CACNG3: variants seen among roughly 807,000 people sequenced by gnomAD.
CACNG3 encodes the protein calcium voltage-gated channel auxiliary subunit gamma 3.
CACNG3 carries 3 observed loss-of-function variants against 28.5 expected under a neutral mutation model. The observed-to-expected ratio is 0.11, with a 90% CI of 0.05 to 0.27. CACNG3 has a LOEUF of 0.27. Among genes scored for constraint, CACNG3 ranks in the 10% least tolerant of loss-of-function variants. The pLI is 1.00. For missense variants in CACNG3, 236 were observed against 414.4 expected (o/e 0.57, Z 3.74); for synonymous variants, 174 against 162.2 (o/e 1.07, Z -0.55).
At chr16:24,297,117 A>G (rs1257678470) in intron 1 of CACNG3, among the ~76,000 whole-genome samples, 1 of 152,102 alleles carries the variant, frequency 6.6e-6, no homozygotes, top group Non-Finnish European at 1.5e-5. Flanking sequence ...TAGCTGGGCA[A>G]GGTGTTGCAA....
intron 2 of CACNG3, among the ~76,000 whole-genome samples, chr16:24,350,493 G>T (rs1326778096): frequency 1.3e-5 from 2 of 151,798 alleles, no homozygotes; most frequent in Non-Finnish European, 2.9e-5. Context: ...GTAGAGTTGG[G>T]GTCCCCCTGT....
intron 1 of CACNG3, among the ~76,000 whole-genome samples, chr16:24,258,688 T>C (rs193005239): frequency 6.6e-6 from 1 of 152,184 alleles, no homozygotes; most frequent in Admixed American, 6.5e-5. Context: ...AATTGAATTA[T>C]CTTTTGTAAA....
intron 1 of CACNG3, among the ~76,000 whole-genome samples, chr16:24,261,364 C>T (rs535544048): frequency 1.7e-4 from 26 of 152,270 alleles, no homozygotes; most frequent in African/African-American, 5.8e-4. Flanking sequence ...TACTACTTGG[C>T]TTGATTTGAT....
intron 1 of CACNG3, among the ~76,000 whole-genome samples, chr16:24,305,094 T>C (rs947578345): frequency 3.9e-5 from 6 of 152,038 alleles, no homozygotes; most frequent in Non-Finnish European, 8.8e-5. Context: ...AACCCTAATG[T>C]AAGTGATGGA....
chr16:24,276,200 T>C (rs1365407381), intron 1 of CACNG3, among the ~76,000 whole-genome samples: 1 of 152,224 alleles, frequency 6.6e-6, no homozygotes, highest in Admixed American at 6.5e-5. Context: ...TTCAAAAGCG[T>C]AAAAACAATT....
At chr16:24,338,999 C>T (rs1279969339) in intron 1 of CACNG3, among the ~76,000 whole-genome samples, 2 of 152,192 alleles carry the variant, frequency 1.3e-5, no homozygotes, top group Non-Finnish European at 2.9e-5. Context: ...TTCTCATTAA[C>T]CTTCAGGTCT....
At chr16:24,274,882 C>T (rs1419553146) in intron 1 of CACNG3, among the ~76,000 whole-genome samples, 3 of 152,124 alleles carry the variant, frequency 2.0e-5, no homozygotes, top group African/African-American at 4.8e-5. Flanking sequence ...GTCCCAAATT[C>T]TCGAGACAGT....
At chr16:24,263,706 G>A (rs1015336813) in intron 1 of CACNG3, among the ~76,000 whole-genome samples, 1 of 152,188 alleles carries the variant, frequency 6.6e-6, no homozygotes, top group Non-Finnish European at 1.5e-5. Context: ...GTGAAATGGG[G>A]AAATAAACAT....
intron 1 of CACNG3, among the ~76,000 whole-genome samples, chr16:24,332,233 T>C (rs531752854): frequency 3.3e-5 from 5 of 152,228 alleles, no homozygotes; most frequent in African/African-American, 1.2e-4. Context: ...GAGGCTAAGG[T>C]GGCAGACCAA....
At chr16:24,318,523 A>C (rs1899417360) in intron 1 of CACNG3, among the ~76,000 whole-genome samples, 1 of 152,132 alleles carries the variant, frequency 6.6e-6, no homozygotes, top group Admixed American at 6.6e-5. Flanking sequence ...ATGAATGAAA[A>C]AACAGCAGCT....
Position 24,361,217 on chromosome 16 carries a change from G to GT in CACNG3, c.437-133dup. The stretch of plus-strand genomic sequence containing the variant: ...CAGACCATGCAAGAAGAACTAGGTG[G>GT]TTGGATTTCCCAGCTATAATCCATT... On this transcript the variant is annotated intron_variant, in intron 3 of 3. Transcript: ENST00000005284. This position sits in a 1 kb window ranked among gnomAD's most constrained non-coding sequence, Gnocchi z 6.8. The GT allele has an allele frequency of 1.4e-6, 1 of 691,598 alleles. No homozygotes were observed. The highest frequency in any genetic ancestry group is 2.5e-6 in the Non-Finnish European group (1 of 408,028). 42.8% of individuals were successfully genotyped at this position (691,598 alleles called of 1,614,324 possible).
intron 1 of CACNG3, among the ~76,000 whole-genome samples, chr16:24,339,267 C>A (rs990022332): frequency 6.6e-6 from 1 of 152,140 alleles, no homozygotes; most frequent in Non-Finnish European, 1.5e-5. Flanking sequence ...GCCAGTACCA[C>A]AATGACTTAA....
intron 1 of CACNG3, among the ~76,000 whole-genome samples, chr16:24,317,860 A>G (rs1010052588): frequency 2.6e-5 from 4 of 152,162 alleles, no homozygotes; most frequent in African/African-American, 9.7e-5. Flanking sequence ...CTGAAGCTTC[A>G]GAAGTGCTTC....
intron 1 of CACNG3, among the ~76,000 whole-genome samples, chr16:24,269,254 A>C (rs1275655705): frequency 6.6e-6 from 1 of 152,244 alleles, no homozygotes; most frequent in Non-Finnish European, 1.5e-5. Context: ...CAGATCTTCA[A>C]TAAATACACC....
chr16:24,357,431 C>G (rs1305456113), intron 3 of CACNG3, among the ~76,000 whole-genome samples: 1 of 152,086 alleles, frequency 6.6e-6, no homozygotes, highest in African/African-American at 2.4e-5. Context: ...ACAGAGAAAG[C>G]ACAATATTAT....
chr16:24,339,958 G>T (rs1050434329), intron 1 of CACNG3, among the ~76,000 whole-genome samples: 1 of 152,128 alleles, frequency 6.6e-6, no homozygotes, highest in Non-Finnish European at 1.5e-5. Context: ...TAACACTGTA[G>T]GGTGAATATG....
At chr16:24,258,463 T>G (rs1480375523) in intron 1 of CACNG3, among the ~76,000 whole-genome samples, 2 of 152,220 alleles carry the variant, frequency 1.3e-5, no homozygotes, top group Non-Finnish European at 2.9e-5. Flanking sequence ...ACTCTCAGTT[T>G]ATTCATCTGG....
intron 1 of CACNG3, among the ~76,000 whole-genome samples, chr16:24,301,574 T>G (rs1196281114): frequency 6.6e-6 from 1 of 152,164 alleles, no homozygotes; most frequent in Non-Finnish European, 1.5e-5. Context: ...GATTATACAT[T>G]TCTCATTCTC....
At chr16:24,272,173 G>T (rs182702235) in intron 1 of CACNG3, among the ~76,000 whole-genome samples, 50 of 149,496 alleles carry the variant, frequency 3.3e-4, no homozygotes, top group African/African-American at 1.1e-3. Context: ...ATATTCTTTC[G>T]AGTGGTATAT....
Sources: gnomAD v4.1 joint callset for allele counts (sites outside exome capture counted in the v4.1 genomes callset) on GRCh38, gnomAD v4.1.1 for gene constraint, Gnocchi (gnomAD v3.1) non-coding constraint, MANE v1.5 for transcripts, NCBI Gene and HGNC (gene_info 2026-07-23, HGNC 2026-07-21) for gene names.